Variants in RIPK1 observed in about 807,000 individuals in gnomAD.
RIPK1 encodes receptor-interacting serine/threonine-protein kinase 1.
Under a neutral mutation model 62.4 loss-of-function variants are expected in RIPK1, and 27 were observed. The observed-to-expected ratio is 0.43, with a 90% confidence interval of 0.32 to 0.60. RIPK1 has a LOEUF of 0.60. Ranked by LOEUF, RIPK1 falls within the 20% of genes least tolerant of loss-of-function variation. The pLI is 0.07. For synonymous variants in RIPK1, 287 were observed against 303.2 expected, an observed-to-expected ratio of 0.95 and a Z score of 0.55; for missense variants, 735 against 831.0, an observed-to-expected ratio of 0.88 and a Z score of 1.42.
intron 1 of RIPK1, among the ~76,000 whole-genome samples, chr6:3,075,074 T>C (rs1178045971): frequency 6.6e-6 from 1 of 152,234 alleles, no homozygotes; most frequent in African/African-American, 2.4e-5. Context: ...CACACACCAG[T>C]GTGTCCGTGT....
chr6:3,075,179 T>C (rs1321895265), intron 1 of RIPK1, among the ~76,000 whole-genome samples: 1 of 152,232 alleles, frequency 6.6e-6, no homozygotes, highest in Non-Finnish European at 1.5e-5. Flanking sequence ...CCACCAGTGA[T>C]GTTTGAGAGG....
chr6:3,066,768 C>T (rs971643898), upstream of RIPK1, among the ~76,000 whole-genome samples: 4 of 152,096 alleles, frequency 2.6e-5, no homozygotes, highest in African/African-American at 4.8e-5. Context: ...AGCCAAAGTC[C>T]GGAGTTTGTT....
In RIPK1 at chr6:3,105,715, A is replaced by G; in HGVS notation, c.1240A>G (p.Arg414Gly). 6.2e-7 allele frequency: 1 copy of G among 1,613,986 alleles called. No individual in the cohort carries two copies. The highest frequency in any genetic ancestry group is 8.5e-7 in the Non-Finnish European group (1 of 1,179,806). The change falls in exon 9 of 11, where the codon AGG becomes GGG. Residue 414 changes from arginine (R) to glycine (G), a missense_variant. Arg to Gly is a moderately radical substitution (Grantham distance 125, BLOSUM62 -2). This residue lies in a region of RIPK1 where 671 missense variants were observed against 726.2 expected (regional missense o/e 0.92). Coordinates refer to ENST00000259808, the MANE Select transcript of RIPK1 (RefSeq NM_001354930.2). This position sits in a 1 kb window ranked among gnomAD's most constrained non-coding sequence, Gnocchi z 4.5. The part of the protein sequence containing the change: ...AYNREEERRR[R>G]VSHDPFAQQR... The stretch of plus-strand genomic sequence containing the variant: ...CAACAGAGAGGAGGAAAGGAGACGC[A>G]GGGTCTCCCATGACCCTTTTGCACA...
chr6:3,089,717 G>C (rs1759923943), intron 7 of RIPK1, 60 bp downstream of exon 7: 3 of 933,462 alleles, frequency 3.2e-6, no homozygotes, highest in East Asian at 2.4e-5. Context: ...TGTCAATCAT[G>C]AAAACCAAAA....
At chr6:3,083,787 C>T (rs1284590728) in intron 5 of RIPK1, among the ~76,000 whole-genome samples, 1 of 152,050 alleles carries the variant, frequency 6.6e-6, no homozygotes, top group African/African-American at 2.4e-5. Context: ...GTTTGATGAT[C>T]ATCTCTTTGC....
At chr6:3,078,638 G>A (rs975652346) in intron 3 of RIPK1, among the ~76,000 whole-genome samples, 7 of 152,208 alleles carry the variant, frequency 4.6e-5, no homozygotes, top group Non-Finnish European at 8.8e-5. Flanking sequence ...GACCGTGAGA[G>A]CAGATAGAAT....
intron 10 of RIPK1, 117 bp from the exon 11 acceptor site, chr6:3,112,936 A>G (rs1285324546): frequency 1.2e-6 from 1 of 821,202 alleles, no homozygotes; most frequent in Non-Finnish European, 1.8e-6. Flanking sequence ...CTAAGAAGTT[A>G]TCTTTTTCAC....
intron 4 of RIPK1, 53 bp from the exon 5 acceptor site, chr6:3,083,032 G>T (rs1715790888): frequency 6.4e-7 from 1 of 1,560,910 alleles, no homozygotes; most frequent in South Asian, 1.1e-5. Context: ...AGTCAGATCT[G>T]ATTTGCTTAC....
intron 7 of RIPK1, among the ~76,000 whole-genome samples, chr6:3,103,037 C>T (rs939563790): frequency 6.6e-6 from 1 of 152,166 alleles, no homozygotes; most frequent in African/African-American, 2.4e-5. Context: ...ATTATAGTCA[C>T]TCTAAGGAGT....
chr6:3,079,747 T>C (rs369687825), intron 3 of RIPK1, among the ~76,000 whole-genome samples: 14 of 152,298 alleles, frequency 9.2e-5, no homozygotes, highest in African/African-American at 3.4e-4. Flanking sequence ...CTTATACGCA[T>C]GGTATTATAG....
Position 3,110,866 on chromosome 6 carries a change from T to C in RIPK1, c.1640T>C (p.Met547Thr), listed in dbSNP as rs115193568. The change falls in exon 10 of 11, where the codon ATG becomes ACG. Residue 547 changes from methionine to threonine, a missense_variant. Met to Thr is a moderately conservative substitution (Grantham distance 81). Coordinates refer to ENST00000259808, the MANE Select transcript of RIPK1 (RefSeq NM_001354930.2). Reference protein sequence around the residue: ...TGIQIGAYNYMEIGGTSSSLL... With the variant: ...TGIQIGAYNYTEIGGTSSSLL... ...ATTCAGATTGGAGCCTACAATTATA[T>C]GGAGATTGGTGGGACGAGTTCATCA... 1.8e-5 allele frequency: 29 copies of C among 1,601,254 alleles called. No individual in the cohort carries two copies. The highest frequency in any genetic ancestry group is 2.5e-5 in the Non-Finnish European group (29 of 1,168,466).
intron 7 of RIPK1, among the ~76,000 whole-genome samples, chr6:3,095,042 A>G (rs1454730389): frequency 6.6e-6 from 1 of 152,144 alleles, no homozygotes; most frequent in Non-Finnish European, 1.5e-5. Context: ...TGGGCAACAG[A>G]GTGAGACCCT....
At position 3,085,263 on chromosome 6, in the gene RIPK1, T is replaced by C; in HGVS notation, c.693T>C (p.Ala231=). The change falls in exon 6 of 11, where the codon GCT becomes GCC. Residue 231 remains alanine, a synonymous_variant. Transcript: ENST00000259808. ...IFANKEPYEN[A]ICEQQLIMCI... is the part of the protein sequence containing the mutation. ...AAGAAAGTCTTTGCTTTGTAGATGC[T>C]ATCTGTGAGCAGCAGTTGATAATGT... 1 of 1,614,208 alleles carries C rather than the reference T, an allele frequency of 6.2e-7. No individual in the cohort carries two copies. Among genetic ancestry groups the C allele is most frequent in the Non-Finnish European group, 8.5e-7 (1 of 1,180,028 alleles).
intron 5 of RIPK1, 102 bp from the exon 6 acceptor site, chr6:3,085,157 A>G: frequency 8.0e-7 from 1 of 1,243,022 alleles, no homozygotes; most frequent in Non-Finnish European, 1.2e-6. Context: ...GGAATGAGGC[A>G]GCTGTACCAG....
At chr6:3,108,146 C>T (rs577493499) in intron 9 of RIPK1, among the ~76,000 whole-genome samples, 29 of 151,958 alleles carry the variant, frequency 1.9e-4, no homozygotes, top group African/African-American at 6.8e-4. Flanking sequence ...TGAAAGAGCT[C>T]TTAGACCCAC....
At chr6:3,087,262 CT>C (rs1167369854) in intron 6 of RIPK1, among the ~76,000 whole-genome samples, 3 of 152,000 alleles carry the variant, frequency 2.0e-5, no homozygotes, top group South Asian at 2.1e-4. Flanking sequence ...AGGTTTATGC[CT>C]CTTAAACCAT....
chr6:3,107,419 G>C (rs1194590255), intron 9 of RIPK1, among the ~76,000 whole-genome samples: 1 of 139,938 alleles, frequency 7.1e-6, no homozygotes, highest in Admixed American at 7.2e-5. Flanking sequence ...AAAAAAAAAA[G>C]CTGGGCATAG....
rs542979121 is a variant in RIPK1 at position 3,069,006 on chromosome 6, G to T, written c.-61+345G>T. The T allele has an allele frequency of 2.6e-5, 4 of 152,364 alleles. No individual in the cohort carries two copies. In the South Asian group the frequency reaches 6.2e-4, roughly 24 times the overall value. The allele number at this position is 152,364 out of a possible 1,614,324, so 9.4% of individuals were successfully genotyped here. On this transcript the variant is annotated intron_variant, in intron 1 of 10. Transcript: ENST00000259808. ...GCCGCGGGCGCTCCCGGAAGTCAGGGGTGCTCCGCTAGGTGTCTCTGCTTA... is the reference window on the plus strand; with the variant it reads ...GCCGCGGGCGCTCCCGGAAGTCAGGTGTGCTCCGCTAGGTGTCTCTGCTTA...
intron 1 of RIPK1, among the ~76,000 whole-genome samples, chr6:3,074,293 G>A (rs1273474592): frequency 6.6e-6 from 1 of 152,184 alleles, no homozygotes; most frequent in Non-Finnish European, 1.5e-5. Flanking sequence ...TACATAGTAT[G>A]TATGCTTTTG....
Sources: gnomAD v4.1 joint callset for allele counts (sites outside exome capture counted in the v4.1 genomes callset) on GRCh38, gnomAD v4.1.1 for gene constraint, gnomAD v4.1.1 regional missense constraint, Gnocchi (gnomAD v3.1) non-coding constraint, MANE v1.5 for transcripts, NCBI Gene and HGNC (gene_info 2026-07-23, HGNC 2026-07-21) for gene names.